The following MAMDC2 variants were observed in gnomAD, a reference collection of about 807,000 sequenced individuals.
MAMDC2 encodes MAM domain-containing protein 2.
Under a neutral mutation model 89.8 loss-of-function variants are expected in MAMDC2, and 57 were observed. The observed-to-expected ratio is 0.63, with a 90% CI of 0.51 to 0.79. The LOEUF is 0.79. MAMDC2 is among the 30% of genes least tolerant of loss of function. MAMDC2 has a pLI of 0.00. For missense variants in MAMDC2, 800 were observed against 820.6 expected (o/e 0.97, Z 0.31); for synonymous variants, 313 against 293.4 (o/e 1.07, Z -0.68).
At chr9:70,107,079 C>G (rs370757350) in intron 2 of MAMDC2, among the ~76,000 whole-genome samples, 8 of 152,172 alleles carry the variant, frequency 5.3e-5, no homozygotes, top group East Asian at 1.9e-4. Flanking sequence ...CGAAAGACAG[C>G]AGGTTAAATG....
intron 11 of MAMDC2, among the ~76,000 whole-genome samples, chr9:70,211,671 G>C (rs1587575828): frequency 6.6e-6 from 1 of 152,182 alleles, no homozygotes; most frequent in South Asian, 2.1e-4. Flanking sequence ...TTACTGATGA[G>C]GAGCTACGTT....
At chr9:70,217,783 GAAAC>G (rs1172202132) in intron 11 of MAMDC2, 1 of 730,646 alleles carries the variant, frequency 1.4e-6, no homozygotes, top group East Asian at 2.7e-5. Flanking sequence ...AGTAGGACAG[GAAAC>G]AAATAATGGA....
chr9:70,220,576 A>T (rs2033536436), intron 12 of MAMDC2, among the ~76,000 whole-genome samples: 1 of 152,222 alleles, frequency 6.6e-6, no homozygotes, highest in African/African-American at 2.4e-5. Context: ...CCAGGCACTT[A>T]CAGTGCTAAG....
chr9:70,058,599 G>A (rs1210342640), intron 2 of MAMDC2, among the ~76,000 whole-genome samples: 1 of 152,134 alleles, frequency 6.6e-6, no homozygotes, highest in Non-Finnish European at 1.5e-5. Context: ...ACAGAAGCCT[G>A]CAGGTCTTCA....
chr9:70,185,705 C>T (rs560155492), intron 11 of MAMDC2, among the ~76,000 whole-genome samples: 1 of 152,300 alleles, frequency 6.6e-6, no homozygotes, highest in East Asian at 1.9e-4. Flanking sequence ...CTACACAAGC[C>T]TCAGTAATGA....
At chr9:70,221,027 C>G (rs1295487125) in intron 12 of MAMDC2, among the ~76,000 whole-genome samples, 1 of 152,086 alleles carries the variant, frequency 6.6e-6, no homozygotes, top group Non-Finnish European at 1.5e-5. Context: ...TTCTCAACAG[C>G]TACATCAGGC....
intron 2 of MAMDC2, among the ~76,000 whole-genome samples, chr9:70,084,716 C>T (rs1827729507): frequency 6.6e-6 from 1 of 152,016 alleles, no homozygotes; most frequent in African/African-American, 2.4e-5. Context: ...TTATTATGAT[C>T]CACTGAAACT....
chr9:70,220,079 C>G (rs560189952), intron 12 of MAMDC2, among the ~76,000 whole-genome samples: 9 of 152,336 alleles, frequency 5.9e-5, no homozygotes, highest in African/African-American at 2.2e-4. Context: ...GGCAAAGAAT[C>G]TCTATGCTAG....
chr9:70,136,192 T>G (rs974975900), intron 7 of MAMDC2, among the ~76,000 whole-genome samples: 1 of 152,270 alleles, frequency 6.6e-6, no homozygotes, highest in Middle Eastern at 3.4e-3. Flanking sequence ...GTTTTGCCTA[T>G]TCACCTCTCC....
chr9:70,217,393 A>T, intron 11 of MAMDC2: 2 of 1,335,718 alleles, frequency 1.5e-6, no homozygotes, highest in Non-Finnish European at 2.2e-6. Context: ...GTCGGAAGAA[A>T]TTCAAAAGAA....
chr9:70,167,320 A>G (rs1385531106), intron 9 of MAMDC2, among the ~76,000 whole-genome samples: 6 of 152,230 alleles, frequency 3.9e-5, no homozygotes, highest in Non-Finnish European at 1.5e-5. Flanking sequence ...TATTTTGCAT[A>G]CTGGTAAGCT....
chr9:70,051,238 G>C (rs1049050628), intron 2 of MAMDC2, among the ~76,000 whole-genome samples: 4 of 152,050 alleles, frequency 2.6e-5, no homozygotes, highest in African/African-American at 9.7e-5. Context: ...GCTGTGTCTG[G>C]GCAGCCTCCT....
chr9:70,116,886 C>T (rs1350153479), intron 5 of MAMDC2, among the ~76,000 whole-genome samples: 2 of 152,194 alleles, frequency 1.3e-5, no homozygotes, highest in Non-Finnish European at 2.9e-5. Flanking sequence ...TCCCTCTTCC[C>T]CTCCCATCTC....
chr9:70,043,732 G>T (rs961851956), upstream of MAMDC2: 1 of 161,870 alleles, frequency 6.2e-6, no homozygotes, highest in Non-Finnish European at 1.4e-5. Flanking sequence ...GCTGGGCGGG[G>T]CGGGAGCCTC....
intron 4 of MAMDC2, 38 bp downstream of exon 4, chr9:70,109,842 T>A: frequency 1.9e-6 from 3 of 1,550,402 alleles, no homozygotes; most frequent in Non-Finnish European, 2.7e-6. Context: ...AAATTGTGAA[T>A]CTTTTTCTAA....
At chr9:70,168,999 C>T (rs929240358) in intron 10 of MAMDC2, among the ~76,000 whole-genome samples, 2 of 152,134 alleles carry the variant, frequency 1.3e-5, no homozygotes, top group Non-Finnish European at 2.9e-5. Context: ...TGTGACTTAA[C>T]CCCTTTATCC....
At chr9:70,167,464 C>A (rs2032208417) in intron 9 of MAMDC2, among the ~76,000 whole-genome samples, 1 of 150,724 alleles carries the variant, frequency 6.6e-6, no homozygotes, top group African/African-American at 2.4e-5. Context: ...CTAAAAAAAT[C>A]AAGTGTTCTC....
chr9:70,222,273 G>A (rs922233159), intron 12 of MAMDC2, among the ~76,000 whole-genome samples: 4 of 152,162 alleles, frequency 2.6e-5, no homozygotes, highest in Admixed American at 2.0e-4. Flanking sequence ...GTGTGTGCAG[G>A]AAGAAAATTA....
intron 2 of MAMDC2, among the ~76,000 whole-genome samples, chr9:70,061,619 G>A (rs908092697): frequency 1.3e-5 from 2 of 151,996 alleles, no homozygotes; most frequent in Non-Finnish European, 2.9e-5. Context: ...AATTTAAGAT[G>A]GTGCCAAAAA....
Sources: allele counts gnomAD v4.1 joint callset (sites outside exome capture counted in the v4.1 genomes callset), GRCh38; gene constraint gnomAD v4.1.1; transcripts MANE v1.5; gene names NCBI Gene and HGNC (gene_info 2026-07-23, HGNC 2026-07-21).